Variants in GK5 observed in about 807,000 individuals in gnomAD.
GK5 encodes the protein ATP:glycerol 3-phosphotransferase 5.
In GK5, 39 loss-of-function variants were observed where a neutral mutation model predicts 77.3. The observed-to-expected ratio is 0.50, with a 90% confidence interval of 0.39 to 0.66. The LOEUF (loss-of-function observed/expected upper bound fraction) is 0.66. GK5 is among the 30% of genes least tolerant of loss of function. GK5 has a pLI of 0.00. For synonymous variants in GK5, 211 were observed against 208.0 expected (o/e 1.01, Z -0.13); for missense variants, 487 against 633.8 (o/e 0.77, Z 2.49).
rs538286195 is a variant in GK5 at position 142,164,792 on chromosome 3, G to C, written c.*830C>G. The C allele has an allele frequency of 1.3e-5, 2 of 152,190 alleles. No homozygotes were observed. The highest frequency in any genetic ancestry group is 4.8e-5 in the African/African-American group (2 of 41,534). The allele number at this position is 152,190 out of a possible 1,614,324, so 9.4% of individuals were successfully genotyped here. On this transcript the variant is annotated 3_prime_UTR_variant, in exon 16 of 16. Coordinates refer to ENST00000392993, the MANE Select transcript of GK5 (RefSeq NM_001039547.3). ...TACAAGCATCTAAATAACAAAGAAA[G>C]ATAAAGAACAAGAGAAAGACAAGAT...
At position 142,212,724 on chromosome 3, in the gene GK5, T is replaced by A. The variant is rs556982233; in HGVS notation, c.317+802A>T. Among the ~76,000 whole-genome samples the A allele has an allele frequency of 4.2e-4, 64 of 152,172 alleles. 2 individuals are homozygous for A. The South Asian group carries it at 0.013, about 32-fold the overall frequency. ...CTAAATTATAGGTTTGTTGTAAGGA[T>A]AATGGAACTTGGGACTGTCACAGAT... On this transcript the variant is annotated intron_variant, in intron 3 of 15. Coordinates refer to ENST00000392993, the MANE Select transcript of GK5 (RefSeq NM_001039547.3).
At chr3:142,200,092 T>TAC (rs1488628781) in intron 4 of GK5, among the ~76,000 whole-genome samples, 1 of 146,398 alleles carries the variant, frequency 6.8e-6, no homozygotes, top group African/African-American at 2.5e-5. Context: ...TATTTCTATA[T>TAC]ATATATACAC....
intron 10 of GK5, 76 bp downstream of exon 10, chr3:142,182,847 G>C: frequency 3.1e-6 from 3 of 973,924 alleles, no homozygotes; most frequent in Non-Finnish European, 4.7e-6. Flanking sequence ...TGGGAAAATA[G>C]TATAAGTATC....
At chr3:142,171,002 G>A (rs2063529156) in intron 14 of GK5, among the ~76,000 whole-genome samples, 1 of 152,116 alleles carries the variant, frequency 6.6e-6, no homozygotes, top group Admixed American at 6.5e-5. Flanking sequence ...GCTGAAGAGG[G>A]CGGATCACCT....
intron 1 of GK5, among the ~76,000 whole-genome samples, chr3:142,223,841 A>C (rs1011486265): frequency 3.3e-5 from 5 of 152,170 alleles, no homozygotes; most frequent in African/African-American, 1.2e-4. Flanking sequence ...CCGTCTAAAA[A>C]GAAAAAAAAG....
At chr3:142,174,830 C>G (rs796457626) in intron 12 of GK5, among the ~76,000 whole-genome samples, 11 of 152,256 alleles carry the variant, frequency 7.2e-5, no homozygotes, top group African/African-American at 2.6e-4. Context: ...GCCCTGAAAA[C>G]CAAAACCAGG....
chr3:142,185,856 C>T, intron 9 of GK5, 73 bp downstream of exon 9: 1 of 1,552,348 alleles, frequency 6.4e-7, no homozygotes, highest in Non-Finnish European at 8.7e-7. Flanking sequence ...TCTCTTAAAG[C>T]TAGTCTCAAT....
chr3:142,221,604 T>TTGGAGTGACC (rs2064348943), intron 1 of GK5, among the ~76,000 whole-genome samples: 1 of 152,222 alleles, frequency 6.6e-6, no homozygotes, highest in South Asian at 2.1e-4. Context: ...GTATTACTCT[T>TTGGAGTGACC]TGGAGTGACC....
chr3:142,159,853 C>CTCTTTTTTTTTTTTTTTTTTTTTTTTT lies in GK5; in HGVS notation c.*5768_*5769insAAAAAAAAAAAAAAAAAAAAAAAAAGA, dbSNP rs1553825247. 9.4e-6 allele frequency: 1 copy of CTCTTTTTTTTTTTTTTTTTTTTTTTTT among 106,124 alleles called. No homozygotes were observed. Among genetic ancestry groups the CTCTTTTTTTTTTTTTTTTTTTTTTTTT allele is most frequent in the African/African-American group, 4.1e-5 (1 of 24,254 alleles). The allele number at this position is 106,124 out of a possible 1,614,324, so 6.6% of individuals were successfully genotyped here. ...TTTCTCTCTCTCTCTCTCTCTCTCT[C>CTCTTTTTTTTTTTTTTTTTTTTTTTTT]TTTTTTTTTTTTGAGACAGAGTCTC... On this transcript the variant is annotated 3_prime_UTR_variant, in exon 16 of 16. Transcript: ENST00000392993.
At chr3:142,198,674 G>T (rs1201897754) in intron 5 of GK5, 128 bp downstream of exon 5, 2 of 793,628 alleles carry the variant, frequency 2.5e-6, no homozygotes, top group East Asian at 2.9e-5. Flanking sequence ...CCAATATGTG[G>T]TAGACACTTA....
chr3:142,186,166 G>C (rs965794919), intron 8 of GK5, 28 bp downstream of exon 8: 2 of 1,393,456 alleles, frequency 1.4e-6, no homozygotes, highest in Middle Eastern at 1.8e-4. Context: ...CCATTGTGCT[G>C]GTTACTATGT....
chr3:142,213,619 T>G lies in GK5; in HGVS notation c.242-18A>C, dbSNP rs779743560. The stretch of plus-strand genomic sequence containing the variant: ...TCCTGCAGCTAAAAGTAAAGATGGA[T>G]AAAACACATGTTTTAAAGCCAGTGA... On this transcript the variant is annotated intron_variant, in intron 2 of 15. Transcript: ENST00000392993. 1 of 1,534,442 alleles carries G rather than the reference T, an allele frequency of 6.5e-7. No individual in the cohort carries two copies. The highest frequency in any genetic ancestry group is 1.7e-5 in the Admixed American group (1 of 59,890).
intron 4 of GK5, among the ~76,000 whole-genome samples, chr3:142,199,780 A>C (rs1436009896): frequency 1.3e-5 from 2 of 151,522 alleles, no homozygotes; most frequent in Admixed American, 1.3e-4. Flanking sequence ...AAAAAAAAAA[A>C]ACCCTATCCT....
At chr3:142,176,620 C>T (rs2063615882) in intron 12 of GK5, among the ~76,000 whole-genome samples, 2 of 148,158 alleles carry the variant, frequency 1.3e-5, no homozygotes, top group South Asian at 4.3e-4. Flanking sequence ...GCAAAGTAAT[C>T]AATACTCCAC....
chr3:142,190,159 A>G (rs1285840389), intron 5 of GK5, among the ~76,000 whole-genome samples: 1 of 152,178 alleles, frequency 6.6e-6, no homozygotes, highest in Non-Finnish European at 1.5e-5. Flanking sequence ...GAAACAATTG[A>G]AGAGTGAATA....
intron 3 of GK5, among the ~76,000 whole-genome samples, chr3:142,210,176 T>C (rs562913762): frequency 1.3e-5 from 2 of 152,124 alleles, no homozygotes; most frequent in African/African-American, 4.8e-5. Context: ...AAAAAGAAAG[T>C]TCAAAGTTTT....
At chr3:142,221,543 A>G (rs1375320885) in intron 1 of GK5, among the ~76,000 whole-genome samples, 1 of 152,228 alleles carries the variant, frequency 6.6e-6, no homozygotes, top group Non-Finnish European at 1.5e-5. Context: ...ATTAAAAACA[A>G]AAGACAACAA....
At chr3:142,203,375 A>T (rs2064056437) in intron 4 of GK5, among the ~76,000 whole-genome samples, 1 of 152,236 alleles carries the variant, frequency 6.6e-6, no homozygotes, top group African/African-American at 2.4e-5. Flanking sequence ...ATATCATCAA[A>T]TACTTATCAA....
Position 142,165,442 on chromosome 3 carries a change from G to A in GK5, c.*180C>T, listed in dbSNP as rs1482506448. The A allele has an allele frequency of 2.2e-6, 1 of 460,340 alleles. No homozygotes were observed. Among genetic ancestry groups the A allele is most frequent in the African/African-American group, 2.0e-5 (1 of 49,052 alleles). 28.5% of individuals were successfully genotyped at this position (460,340 alleles called of 1,614,324 possible). A position where few individuals can be genotyped will look rare whatever the true frequency, so the allele number is the denominator to read the frequency against. ...GTATTGCTGCCTTACCATGGTTTAG[G>A]GGAAAAAAATAAGAGTTTTTTGTTC... On this transcript the variant is annotated 3_prime_UTR_variant, in exon 16 of 16. Transcript: ENST00000392993.
Sources: gnomAD v4.1 joint callset for allele counts (sites outside exome capture counted in the v4.1 genomes callset) on GRCh38, gnomAD v4.1.1 for gene constraint, MANE v1.5 for transcripts, NCBI Gene and HGNC (gene_info 2026-07-23, HGNC 2026-07-21) for gene names.